C8orf34: variants seen among roughly 807,000 people sequenced by gnomAD.
C8orf34 encodes uncharacterized protein C8orf34.
C8orf34 carries 65 observed loss-of-function variants against 68.3 expected under a neutral mutation model. The ratio of observed to expected loss-of-function variants is 0.95; its 90% confidence interval spans 0.78 to 1.17. The LOEUF is 1.17. C8orf34 is among the 50% of genes most tolerant of loss of function. The pLI is 0.00. For missense variants in C8orf34, 664 were observed against 655.4 expected (o/e 1.01, Z -0.14); for synonymous variants, 244 against 241.2 (o/e 1.01, Z -0.11).
chr8:68,564,561 A>G (rs1437613297), intron 7 of C8orf34, among the ~76,000 whole-genome samples: 9 of 152,182 alleles, frequency 5.9e-5, no homozygotes, highest in Admixed American at 5.9e-4. Flanking sequence ...ACCCTGGACT[A>G]GGTTGCTGCT....
intron 7 of C8orf34, among the ~76,000 whole-genome samples, chr8:68,606,392 A>G (rs1435204332): frequency 2.0e-5 from 3 of 152,136 alleles, no homozygotes; most frequent in African/African-American, 4.8e-5. Flanking sequence ...TCCTGACTGA[A>G]TATTAAGAAA....
At chr8:68,460,147 C>A (rs566820324) in intron 3 of C8orf34, among the ~76,000 whole-genome samples, 6 of 152,318 alleles carry the variant, frequency 3.9e-5, no homozygotes, top group African/African-American at 1.4e-4. Flanking sequence ...TATCCTGCAC[C>A]TGGCTCGGAG....
At chr8:68,434,321 G>A (rs1810567660) in intron 1 of C8orf34, among the ~76,000 whole-genome samples, 1 of 152,098 alleles carries the variant, frequency 6.6e-6, no homozygotes, top group African/African-American at 2.4e-5. Context: ...GTGATGTGAG[G>A]TCCCAGTGTG....
At chr8:68,598,818 T>A (rs1348910885) in intron 7 of C8orf34, among the ~76,000 whole-genome samples, 1 of 152,156 alleles carries the variant, frequency 6.6e-6, no homozygotes, top group African/African-American at 2.4e-5. Flanking sequence ...AATGAAAATG[T>A]TGTAGATTGT....
At chr8:68,433,964 T>A (rs998041111) in intron 1 of C8orf34, among the ~76,000 whole-genome samples, 1 of 152,216 alleles carries the variant, frequency 6.6e-6, no homozygotes, top group African/African-American at 2.4e-5. Flanking sequence ...ATTTTCTAAA[T>A]AGCACTACAA....
intron 8 of C8orf34, among the ~76,000 whole-genome samples, chr8:68,661,361 C>A (rs1819674744): frequency 1.3e-5 from 2 of 152,306 alleles, no homozygotes; most frequent in African/African-American, 2.4e-5. Flanking sequence ...TTTTACTCAC[C>A]TTTTCTTAGG....
chr8:68,798,075 G>A (rs954216201), intron 12 of C8orf34, among the ~76,000 whole-genome samples: 1 of 152,056 alleles, frequency 6.6e-6, no homozygotes, highest in South Asian at 2.1e-4. Context: ...GTAGTCTGTA[G>A]TAGGTTCTTT....
chr8:68,358,202 G>A (rs757104307), intron 1 of C8orf34, among the ~76,000 whole-genome samples: 3 of 151,924 alleles, frequency 2.0e-5, no homozygotes, highest in Non-Finnish European at 4.4e-5. Flanking sequence ...GCTATAACTG[G>A]CTTTCTTACT....
intron 3 of C8orf34, among the ~76,000 whole-genome samples, chr8:68,461,245 CG>C (rs907810135): frequency 3.9e-5 from 6 of 151,988 alleles, no homozygotes; most frequent in Admixed American, 3.9e-4. Context: ...TAGAGAAAAA[CG>C]AATAAAAAGA....
intron 4 of C8orf34, among the ~76,000 whole-genome samples, chr8:68,469,648 A>C (rs1432981535): frequency 6.6e-6 from 1 of 152,004 alleles, no homozygotes; most frequent in African/African-American, 2.4e-5. Context: ...CTCAATTTTA[A>C]AAATTGGGCT....
chr8:68,723,374 T>C (rs1821729079), intron 10 of C8orf34, among the ~76,000 whole-genome samples: 1 of 152,114 alleles, frequency 6.6e-6, no homozygotes, highest in Admixed American at 6.5e-5. Flanking sequence ...AAAATTTCAG[T>C]ACCTTGATGC....
At chr8:68,500,533 G>A (rs1452362444) in intron 5 of C8orf34, among the ~76,000 whole-genome samples, 1 of 152,100 alleles carries the variant, frequency 6.6e-6, no homozygotes, top group Non-Finnish European at 1.5e-5. Context: ...TGTCCTATAT[G>A]CTAAAGTGTT....
intron 1 of C8orf34, among the ~76,000 whole-genome samples, chr8:68,392,653 T>C (rs1808522897): frequency 6.6e-6 from 1 of 152,054 alleles, no homozygotes; most frequent in Admixed American, 6.6e-5. Flanking sequence ...CAAATATTAA[T>C]AAAAGAATAT....
At chr8:68,507,145 C>A (rs1814060018) in intron 5 of C8orf34, among the ~76,000 whole-genome samples, 1 of 152,222 alleles carries the variant, frequency 6.6e-6, no homozygotes, top group East Asian at 1.9e-4. Flanking sequence ...TAAAGTCATG[C>A]AAATTTTTAT....
rs139725747 is a variant in C8orf34, at chr8:68,469,838, G to A, written c.736+1018G>A. 5.0e-4 allele frequency among the ~76,000 whole-genome samples: 75 copies of A among 150,896 alleles called. 1 individual carries two copies. The East Asian group carries it at 0.014, about 28-fold the overall frequency. On this transcript the variant is annotated intron_variant, in intron 4 of 13. Coordinates refer to ENST00000518698, the MANE Select transcript of C8orf34 (RefSeq NM_052958.4). ...TACTAATTTCATTATTTTTATCAAA[G>A]GCAAACATTGTCTTGGTATATTTTG...
intron 1 of C8orf34, among the ~76,000 whole-genome samples, chr8:68,416,030 G>GA (rs1451593104): frequency 6.6e-6 from 1 of 152,106 alleles, no homozygotes; most frequent in Non-Finnish European, 1.5e-5. Context: ...TTGTGAGCAT[G>GA]AAAAAAATGT....
chr8:68,813,765 C>T (rs1824726281), intron 12 of C8orf34, among the ~76,000 whole-genome samples: 1 of 152,174 alleles, frequency 6.6e-6, no homozygotes, highest in African/African-American at 2.4e-5. Context: ...TCTTACCAAT[C>T]ACTTTTCTTC....
chr8:68,372,179 T>C (rs2129619818), intron 1 of C8orf34, among the ~76,000 whole-genome samples: 1 of 152,072 alleles, frequency 6.6e-6, no homozygotes, highest in Admixed American at 6.6e-5. Context: ...CAATCAGGAG[T>C]CAGTTAGAAA....
intron 11 of C8orf34, among the ~76,000 whole-genome samples, chr8:68,784,513 C>A (rs1259108525): frequency 6.6e-6 from 1 of 152,134 alleles, no homozygotes; most frequent in East Asian, 1.9e-4. Context: ...ACAGCCCACA[C>A]TTAAAAAGTG....
Sources: gnomAD v4.1 joint callset for allele counts (sites outside exome capture counted in the v4.1 genomes callset) on GRCh38, gnomAD v4.1.1 for gene constraint, MANE v1.5 for transcripts, NCBI Gene and HGNC (gene_info 2026-07-23, HGNC 2026-07-21) for gene names.